Variants in ATG10 observed in about 807,000 individuals in gnomAD.
ATG10 encodes the protein ubiquitin-like-conjugating enzyme ATG10.
A neutral mutation model predicts 32.1 loss-of-function variants in ATG10; 30 were observed. The ratio of observed to expected loss-of-function variants is 0.94; its 90% CI spans 0.70 to 1.27. The LOEUF (loss-of-function observed/expected upper bound fraction) is 1.27. ATG10 is among the 50% of genes most tolerant of loss of function. The pLI is 0.00. For synonymous variants in ATG10, 87 were observed against 91.5 expected (o/e 0.95, Z 0.28); for missense variants, 233 against 262.3 (o/e 0.89, Z 0.77).
intron 5 of ATG10, among the ~76,000 whole-genome samples, chr5:82,221,832 C>G (rs1745940306): frequency 6.6e-6 from 1 of 152,154 alleles, no homozygotes; most frequent in Non-Finnish European, 1.5e-5. Flanking sequence ...TGGCCAGCAG[C>G]CCTTGAGTAT....
intron 3 of ATG10, among the ~76,000 whole-genome samples, chr5:82,083,035 C>T (rs915930013): frequency 8.5e-5 from 13 of 152,196 alleles, no homozygotes; most frequent in African/African-American, 2.4e-4. Context: ...GGCGAGGCAT[C>T]GCCTCACCCG....
intron 5 of ATG10, among the ~76,000 whole-genome samples, chr5:82,247,894 G>T (rs562155214): frequency 6.6e-6 from 1 of 152,150 alleles, no homozygotes; most frequent in African/African-American, 2.4e-5. Flanking sequence ...TTTGCTACTG[G>T]TTTTTTAATT....
At chr5:82,057,575 A>G (rs191772595) in intron 2 of ATG10, among the ~76,000 whole-genome samples, 1 of 152,236 alleles carries the variant, frequency 6.6e-6, no homozygotes, top group Non-Finnish European at 1.5e-5. Flanking sequence ...TATTATTTTA[A>G]TTCTATTAAA....
chr5:82,100,009 T>G (rs1318929744), intron 3 of ATG10, among the ~76,000 whole-genome samples: 15 of 127,780 alleles, frequency 1.2e-4, no homozygotes, highest in East Asian at 8.5e-4. Context: ...TGTTTTTTTT[T>G]TTTTTTTTTT....
intron 2 of ATG10, among the ~76,000 whole-genome samples, chr5:81,993,755 G>A (rs1312840575): frequency 6.6e-6 from 1 of 152,008 alleles, no homozygotes; most frequent in Non-Finnish European, 1.5e-5. Flanking sequence ...ATAGAAAGCT[G>A]TGTCAGAATT....
chr5:82,252,915 T>C (rs1014789590), intron 6 of ATG10, among the ~76,000 whole-genome samples: 1 of 152,046 alleles, frequency 6.6e-6, no homozygotes, highest in Admixed American at 6.6e-5. Flanking sequence ...AACAGAGGAG[T>C]TAAGCCACTC....
At chr5:82,034,198 A>G (rs1273210688) in intron 2 of ATG10, among the ~76,000 whole-genome samples, 2 of 151,986 alleles carry the variant, frequency 1.3e-5, no homozygotes, top group Non-Finnish European at 2.9e-5. Flanking sequence ...TCACAAATTT[A>G]ACTCATTTTT....
intron 3 of ATG10, among the ~76,000 whole-genome samples, chr5:82,079,374 T>C (rs1244914718): frequency 6.6e-6 from 1 of 152,126 alleles, no homozygotes; most frequent in Non-Finnish European, 1.5e-5. Flanking sequence ...AACTTTTTTT[T>C]TTTTTTATAT....
intron 3 of ATG10, among the ~76,000 whole-genome samples, chr5:82,160,850 G>A (rs555002449): frequency 6.6e-6 from 1 of 152,134 alleles, no homozygotes; most frequent in Admixed American, 6.5e-5. Context: ...CTTTTTAGTT[G>A]TTAGGATGGT....
intron 3 of ATG10, among the ~76,000 whole-genome samples, chr5:82,123,196 C>A (rs1581711118): frequency 6.6e-6 from 1 of 152,154 alleles, no homozygotes; most frequent in East Asian, 1.9e-4. Context: ...AGAATGCGGT[C>A]ATGTATTCTG....
In ATG10 at chr5:82,229,920, G is replaced by C. The variant is rs62365421; in HGVS notation, c.454-22642G>C. 4.0e-3 allele frequency among the ~76,000 whole-genome samples: 613 copies of C among 152,266 alleles called. 5 individuals are homozygous for C. Among genetic ancestry groups the C allele is most frequent in the Non-Finnish European group, 7.2e-3 (489 of 68,028 alleles). On this transcript the variant is annotated intron_variant, in intron 5 of 7. Transcript: ENST00000282185. Reference sequence around the variant, plus strand: ...TTGGAAACTCACGTCATATAATGCAGGCCTGTTCGTATACAGATTGGAGCC... The same window carrying C: ...TTGGAAACTCACGTCATATAATGCACGCCTGTTCGTATACAGATTGGAGCC...
At chr5:82,223,637 CA>C (rs979265391) in intron 5 of ATG10, among the ~76,000 whole-genome samples, 5 of 151,966 alleles carry the variant, frequency 3.3e-5, no homozygotes, top group Admixed American at 2.6e-4. Context: ...CTTCTTTCCC[CA>C]AAGATGGGGC....
chr5:82,008,458 A>G (rs545382933), intron 2 of ATG10, among the ~76,000 whole-genome samples: 7 of 152,324 alleles, frequency 4.6e-5, no homozygotes, highest in South Asian at 2.1e-4. Context: ...ATCTTAAGCA[A>G]TAATTTCAAG....
intron 3 of ATG10, among the ~76,000 whole-genome samples, chr5:82,101,236 G>T (rs1420934792): frequency 1.3e-5 from 2 of 152,014 alleles, no homozygotes; most frequent in Non-Finnish European, 2.9e-5. Flanking sequence ...TGAGTACTCC[G>T]ACTCTGATAT....
intron 2 of ATG10, among the ~76,000 whole-genome samples, chr5:82,037,409 G>A (rs10062651): frequency 0.34 from 50,424 of 146,624 alleles, 9,893 homozygotes; most frequent in East Asian, 0.76. Context: ...CACTACGCCC[G>A]GCTAATTTTT....
intron 2 of ATG10, among the ~76,000 whole-genome samples, chr5:82,042,630 A>T (rs1763119724): frequency 6.6e-6 from 1 of 152,194 alleles, no homozygotes; most frequent in Admixed American, 6.5e-5. Context: ...TACTTCTAAG[A>T]TGCAATGGGT....
At chr5:82,019,928 C>T (rs1762390521) in intron 2 of ATG10, among the ~76,000 whole-genome samples, 2 of 152,164 alleles carry the variant, frequency 1.3e-5, no homozygotes, top group South Asian at 4.1e-4. Flanking sequence ...GGCTGATAGT[C>T]AGGTAAAGGG....
At chr5:81,996,061 A>G (rs761110274) in intron 2 of ATG10, among the ~76,000 whole-genome samples, 14 of 152,202 alleles carry the variant, frequency 9.2e-5, no homozygotes, top group Non-Finnish European at 1.8e-4. Flanking sequence ...CTTTAAATTT[A>G]TTTTACTAAA....
intron 5 of ATG10, among the ~76,000 whole-genome samples, chr5:82,226,681 C>T (rs1433915686): frequency 1.3e-5 from 2 of 152,070 alleles, no homozygotes; most frequent in Admixed American, 1.3e-4. Flanking sequence ...AGTAATGGAG[C>T]TTCTCTTATA....
Sources: gnomAD v4.1 joint callset for allele counts (sites outside exome capture counted in the v4.1 genomes callset) on GRCh38, gnomAD v4.1.1 for gene constraint, MANE v1.5 for transcripts, NCBI Gene and HGNC (gene_info 2026-07-23, HGNC 2026-07-21) for gene names.